Variants in HSD17B8 observed in about 807,000 individuals in gnomAD.
The protein encoded by HSD17B8 is hydroxysteroid 17-beta dehydrogenase 8, also known as (3R)-3-hydroxyacyl-CoA dehydrogenase.
A neutral mutation model predicts 33.2 loss-of-function variants in HSD17B8; 23 were observed. The ratio of observed to expected loss-of-function variants is 0.69; its 90% CI spans 0.50 to 0.98. The LOEUF is 0.98. HSD17B8 is among the 50% of genes least tolerant of loss of function. The pLI, the probability that HSD17B8 is intolerant of heterozygous loss-of-function variation, is 0.00. For synonymous variants in HSD17B8, 137 were observed against 138.6 expected (o/e 0.99, Z 0.08); for missense variants, 345 against 347.5 (o/e 0.99, Z 0.06).
In HSD17B8 at chr6:33,204,725, A is replaced by AG. The variant is rs764787302; in HGVS notation, c.52+10dup. ...CCGCACTGGCCTTGGTCACAGGTTGAGGGGGTTCTTTCCCCGGGCGGTTTG... is the reference window on the plus strand; with the variant it reads ...CCGCACTGGCCTTGGTCACAGGTTGAGGGGGGTTCTTTCCCCGGGCGGTTTG... On this transcript the variant is annotated splice_donor_region_variant and intron_variant, in intron 1 of 8. Coordinates refer to ENST00000374662, the MANE Select transcript of HSD17B8 (RefSeq NM_014234.5). 1.2e-5 allele frequency: 19 copies of AG among 1,611,314 alleles called. No homozygotes were observed. In the South Asian group the frequency reaches 1.6e-4, roughly 14 times the overall value.
At position 33,204,816 on chromosome 6, in the gene HSD17B8, AC is replaced by A. The variant is rs540783107; in HGVS notation, c.53-83del. 1.9e-5 allele frequency: 30 copies of A among 1,555,856 alleles called. No individual in the cohort carries two copies. In the East Asian group the frequency reaches 7.1e-4, roughly 37 times the overall value. The stretch of plus-strand genomic sequence containing the variant: ...CGGCCGCTGTGACCTCTGGCCCCTT[AC>A]CCACATTTTACTTTCTGCCCTGTGA... On this transcript the variant is annotated intron_variant, in intron 1 of 8. Transcript: ENST00000374662.
In HSD17B8 at chr6:33,205,583, G is replaced by A. The variant is rs1774974130; in HGVS notation, c.480+44G>A. The A allele has an allele frequency of 1.2e-6, 2 of 1,610,854 alleles. No individual in the cohort carries two copies. The highest frequency in any genetic ancestry group is 2.2e-5 in the South Asian group (2 of 91,056). ...AGGTCAGCCAGCCAAGTGGTATAGA[G>A]AGGAGAACCCCTCCTTGAGACTCCT... On this transcript the variant is annotated intron_variant, in intron 4 of 8. Coordinates refer to ENST00000374662, the MANE Select transcript of HSD17B8 (RefSeq NM_014234.5). The surrounding 1 kb of genome is among the most constrained non-coding windows in gnomAD (Gnocchi z 5.0).
Position 33,205,480 on chromosome 6 carries a change from G to A in HSD17B8, c.421G>A (p.Ala141Thr), listed in dbSNP as rs757640691. The A allele has an allele frequency of 1.5e-5, 25 of 1,613,012 alleles. No homozygotes were observed. The highest frequency in any genetic ancestry group is 3.3e-5 in the Admixed American group (2 of 60,004). The change falls in exon 4 of 9, where the codon GCC (alanine) becomes ACC (threonine). Residue 141 changes from alanine (A) to threonine (T), a missense_variant. Physicochemically the swap from Ala to Thr is moderately conservative, Grantham distance 58. Coordinates refer to ENST00000374662, the MANE Select transcript of HSD17B8 (RefSeq NM_014234.5). The surrounding 1 kb of genome is among the most constrained non-coding windows in gnomAD (Gnocchi z 5.0). ...CCTAGTCACTCAGGCTGCAGCACAA[G>A]CCCTGGTGTCCAATGGTTGTCGTGG... Reference protein sequence around the residue: ...TFLVTQAAAQALVSNGCRGSI... With the variant: ...TFLVTQAAAQTLVSNGCRGSI...
Position 33,206,800 on chromosome 6 carries a change from C to A in HSD17B8, c.*146C>A, listed in dbSNP as rs1048537359. 2 of 870,308 alleles carry A rather than the reference C, an allele frequency of 2.3e-6. No individual in the cohort carries two copies. Among genetic ancestry groups the A allele is most frequent in the Admixed American group, 2.0e-5 (1 of 50,090 alleles). 53.9% of individuals were successfully genotyped at this position (870,308 alleles called of 1,614,324 possible). ...ATATGGGAAGCAGGGGTGCTTGTGA[C>A]CCTAATAAATTCCAAGTCCTCTTCC... On this transcript the variant is annotated 3_prime_UTR_variant, in exon 9 of 9. Coordinates refer to ENST00000374662, the MANE Select transcript of HSD17B8 (RefSeq NM_014234.5). The surrounding 1 kb of genome is among the most constrained non-coding windows in gnomAD (Gnocchi z 6.2).
In HSD17B8 at chr6:33,205,190, GT is replaced by G; in HGVS notation, c.271-26del. The G allele has an allele frequency of 1.2e-6, 2 of 1,608,894 alleles. No individual in the cohort carries two copies. Among genetic ancestry groups the G allele is most frequent in the Non-Finnish European group, 1.7e-6 (2 of 1,176,666 alleles). ...CCACTGCCCCGGCTTTTTGTGGGGG[GT>G]TTTTGATGCGTAACCTCCCCCTCCC... On this transcript the variant is annotated intron_variant, in intron 2 of 8. Coordinates refer to ENST00000374662, the MANE Select transcript of HSD17B8 (RefSeq NM_014234.5). The surrounding 1 kb of genome is among the most constrained non-coding windows in gnomAD (Gnocchi z 5.0).
intron 1 of HSD17B8, 69 bp downstream of exon 1, chr6:33,204,789 C>T: frequency 6.9e-6 from 11 of 1,594,640 alleles, no homozygotes; most frequent in Admixed American, 1.7e-5. Flanking sequence ...CCTTGGAGTG[C>T]GCGGCCGCTG....
intron 1 of HSD17B8, 35 bp downstream of exon 1, chr6:33,204,755 A>G (rs774140723): frequency 6.2e-7 from 1 of 1,611,798 alleles, no homozygotes; most frequent in Non-Finnish European, 8.5e-7. Flanking sequence ...GGTTTGGGGT[A>G]TTGGAGTGAG....
Position 33,205,205 on chromosome 6 carries a change from C to T in HSD17B8, c.271-16C>T. 1 of 1,550,400 alleles carries T rather than the reference C, an allele frequency of 6.4e-7. No individual in the cohort carries two copies. The highest frequency in any genetic ancestry group is 8.9e-7 in the Non-Finnish European group (1 of 1,123,276). ...TTTGTGGGGGGTTTTTGATGCGTAA[C>T]CTCCCCCTCCCATAGGCCTGCTTTT... is the stretch of plus-strand genomic sequence containing the variant. On this transcript the variant is annotated splice_polypyrimidine_tract_variant and intron_variant, in intron 2 of 8. Transcript: ENST00000374662. This position sits in a 1 kb window ranked among gnomAD's most constrained non-coding sequence, Gnocchi z 5.0.
Position 33,205,760 on chromosome 6 carries a change from T to A in HSD17B8, c.566+35T>A. On this transcript the variant is annotated intron_variant, in intron 5 of 8. Coordinates refer to ENST00000374662, the MANE Select transcript of HSD17B8 (RefSeq NM_014234.5). This position sits in a 1 kb window ranked among gnomAD's most constrained non-coding sequence, Gnocchi z 5.0. ...ATGCTTGAGGGTGCTGGGGAGCACC[T>A]GGGGGGTCTGAGGGAGGTACCAGCA... 1 of 1,610,006 alleles carries A rather than the reference T, an allele frequency of 6.2e-7. No individual in the cohort carries two copies. The highest frequency in any genetic ancestry group is 1.7e-4 in the Middle Eastern group (1 of 6,052).
In HSD17B8 at chr6:33,206,017, G is replaced by GAGAGAGA; in HGVS notation, c.651+105_651+106insAGAGAGA. The GAGAGAGA allele has an allele frequency of 7.0e-7, 1 of 1,425,900 alleles. No homozygotes were observed. Among genetic ancestry groups the GAGAGAGA allele is most frequent in the Non-Finnish European group, 9.8e-7 (1 of 1,017,100 alleles). 88.3% of individuals were successfully genotyped at this position (1,425,900 alleles called of 1,614,324 possible). ...AGAGAGAATACTGGGCACAGTTCCT[G>GAGAGAGA]GCAAACATTAAATATTCAATGAATG... is the stretch of plus-strand genomic sequence containing the variant. On this transcript the variant is annotated intron_variant, in intron 6 of 8. Transcript: ENST00000374662. This position sits in a 1 kb window ranked among gnomAD's most constrained non-coding sequence, Gnocchi z 6.2.
chr6:33,206,618 A>C lies in HSD17B8; in HGVS notation c.770-20A>C. On this transcript the variant is annotated intron_variant, in intron 8 of 8. Coordinates refer to ENST00000374662, the MANE Select transcript of HSD17B8 (RefSeq NM_014234.5). This position sits in a 1 kb window ranked among gnomAD's most constrained non-coding sequence, Gnocchi z 6.2. Reference sequence around the variant, plus strand: ...GTGTCTCCACCCATGCATCTGTCCAAATGTTTCTGCCCCTCCCAGGAGGTC... The same window carrying C: ...GTGTCTCCACCCATGCATCTGTCCACATGTTTCTGCCCCTCCCAGGAGGTC... 2 of 1,613,710 alleles carry C rather than the reference A, an allele frequency of 1.2e-6. No individual in the cohort carries two copies. Among genetic ancestry groups the C allele is most frequent in the Non-Finnish European group, 8.5e-7 (1 of 1,179,740 alleles).
chr6:33,205,029 C>G lies in HSD17B8; in HGVS notation c.180C>G (p.Ser60Arg). 5 of 1,537,974 alleles carry G rather than the reference C, an allele frequency of 3.3e-6. No homozygotes were observed. Among genetic ancestry groups the G allele is most frequent in the Non-Finnish European group, 4.4e-6 (5 of 1,146,404 alleles). The change falls in exon 2 of 9, where the codon AGC becomes AGG. Residue 60 changes from serine (S) to arginine (R), a missense_variant. Ser to Arg is a moderately radical substitution (Grantham distance 110). Transcript: ENST00000374662. This position sits in a 1 kb window ranked among gnomAD's most constrained non-coding sequence, Gnocchi z 5.0. ...ETVRLLGGPGSKEGPPRGNHA... is the reference protein window; with the variant it reads ...ETVRLLGGPGRKEGPPRGNHA... ...TGCGGCTGCTGGGCGGGCCAGGGAG[C>G]AAGGAGGGGCCGCCCCGAGGGAACC...
Position 33,205,955 on chromosome 6 carries a change from A to G in HSD17B8, c.651+43A>G, listed in dbSNP as rs1199480064. 6.9e-7 allele frequency: 1 copy of G among 1,448,852 alleles called. No homozygotes were observed. Among genetic ancestry groups the G allele is most frequent in the African/African-American group, 1.5e-5 (1 of 68,796 alleles). 89.7% of individuals were successfully genotyped at this position (1,448,852 alleles called of 1,614,324 possible). A position where few individuals can be genotyped will look rare whatever the true frequency, so the allele number is the denominator to read the frequency against. ...GAGGGCAGAATCATTCAGAGACTCAATCTCTCTGGGCTTCACAGAGAGAGA... is the reference window on the plus strand; with the variant it reads ...GAGGGCAGAATCATTCAGAGACTCAGTCTCTCTGGGCTTCACAGAGAGAGA... On this transcript the variant is annotated intron_variant, in intron 6 of 8. Transcript: ENST00000374662. The surrounding 1 kb of genome is among the most constrained non-coding windows in gnomAD (Gnocchi z 5.0).
At position 33,206,004 on chromosome 6, in the gene HSD17B8, GGGCACAGTTCCT is replaced by G; in HGVS notation, c.651+97_651+108del. 1.6e-6 allele frequency: 2 copies of G among 1,214,952 alleles called. No homozygotes were observed. Among genetic ancestry groups the G allele is most frequent in the East Asian group, 4.7e-5 (2 of 42,578 alleles). 75.3% of individuals were successfully genotyped at this position (1,214,952 alleles called of 1,614,324 possible). On this transcript the variant is annotated intron_variant, in intron 6 of 8. Transcript: ENST00000374662. The surrounding 1 kb of genome is among the most constrained non-coding windows in gnomAD (Gnocchi z 6.2). ...GAGAGAGAGAGAGAGAGAGAATACT[GGGCACAGTTCCT>G]GGCAAACATTAAATATTCAATGAAT...
chr6:33,204,687 A>T lies in HSD17B8; in HGVS notation c.19A>T (p.Asn7Tyr). 1 of 1,612,928 alleles carries T rather than the reference A, an allele frequency of 6.2e-7. No individual in the cohort carries two copies. Among genetic ancestry groups the T allele is most frequent in the Non-Finnish European group, 8.5e-7 (1 of 1,179,974 alleles). The change falls in exon 1 of 9, where the codon AAC (asparagine) becomes TAC (tyrosine). Residue 7 changes from asparagine to tyrosine, a missense_variant. Transcript: ENST00000374662. The part of the protein sequence containing the change: MASQLQ[N>Y]RLRSALALVT... Reference sequence around the variant, plus strand: ...GCCCGCCATGGCGTCTCAGCTCCAGAACCGACTCCGCTCCGCACTGGCCTT... The same window carrying T: ...GCCCGCCATGGCGTCTCAGCTCCAGTACCGACTCCGCTCCGCACTGGCCTT...
In HSD17B8 at chr6:33,205,360, C is replaced by T; in HGVS notation, c.387+23C>T. 6.2e-7 allele frequency: 1 copy of T among 1,607,028 alleles called. No individual in the cohort carries two copies. The highest frequency in any genetic ancestry group is 8.5e-7 in the Non-Finnish European group (1 of 1,174,172). On this transcript the variant is annotated intron_variant, in intron 3 of 8. Coordinates refer to ENST00000374662, the MANE Select transcript of HSD17B8 (RefSeq NM_014234.5). The surrounding 1 kb of genome is among the most constrained non-coding windows in gnomAD (Gnocchi z 5.0). ...AAGGTGGCGATCTCTGAACCTGCGA[C>T]GTTTGGCCCCCTTAGCCTGGGGAGG...
chr6:33,204,828 C>G (rs926002424), intron 1 of HSD17B8, 74 bp from the exon 2 acceptor site: 19 of 1,534,948 alleles, frequency 1.2e-5, no homozygotes, highest in Non-Finnish European at 1.5e-5. Context: ...CCACATTTTA[C>G]TTTCTGCCCT....
Position 33,206,100 on chromosome 6 carries a change from A to G in HSD17B8, c.652-34A>G, listed in dbSNP as rs762540088. On this transcript the variant is annotated intron_variant, in intron 6 of 8. Transcript: ENST00000374662. The surrounding 1 kb of genome is among the most constrained non-coding windows in gnomAD (Gnocchi z 6.2). ...CTCAGTCTTCAAAAAAATCCATAAA[A>G]GAAGCTTTCACCCACATGAGTATTT... 1 of 1,595,714 alleles carries G rather than the reference A, an allele frequency of 6.3e-7. No individual in the cohort carries two copies.
chr6:33,205,336 A>T lies in HSD17B8; in HGVS notation c.386A>T (p.Lys129Met). 1 of 1,612,820 alleles carries T rather than the reference A, an allele frequency of 6.2e-7. No homozygotes were observed. The highest frequency in any genetic ancestry group is 8.5e-7 in the Non-Finnish European group (1 of 1,179,414). The part of the protein sequence containing the change: ...DWDKVIAVNL[K>M]GTFLVTQAAA... The stretch of plus-strand genomic sequence containing the variant: ...GACAAAGTCATAGCTGTCAACCTCA[A>T]GGTGGCGATCTCTGAACCTGCGACG... Residue 129 changes from lysine to methionine, a missense_variant and splice_region_variant, in exon 3 of 9, where the codon AAG becomes ATG. Lys to Met is a moderately conservative substitution (Grantham distance 95). Transcript: ENST00000374662. This position sits in a 1 kb window ranked among gnomAD's most constrained non-coding sequence, Gnocchi z 5.0.
Sources: allele counts gnomAD v4.1 joint callset, GRCh38; gene constraint gnomAD v4.1.1; non-coding constraint Gnocchi (gnomAD v3.1); transcripts MANE v1.5; gene names NCBI Gene and HGNC (gene_info 2026-07-23, HGNC 2026-07-21).